Variants in TCN2 observed in about 807,000 individuals in gnomAD.
The protein encoded by TCN2 is transcobalamin-2.
A neutral mutation model predicts 48.6 loss-of-function variants in TCN2; 34 were observed. That is an observed-to-expected ratio of 0.70 (90% CI 0.53 to 0.93). TCN2 has a LOEUF of 0.93. TCN2 is among the 40% of genes least tolerant of loss of function. The pLI is 0.00. For missense variants in TCN2, 652 were observed against 526.1 expected (o/e 1.24, Z -2.34); for synonymous variants, 283 against 212.5 (o/e 1.33, Z -2.89).
chr22:30,610,418 G>T, intron 1 of TCN2: 1 of 400,652 alleles, frequency 2.5e-6, no homozygotes. Context: ...CGGGGGCTTT[G>T]CAGTTAGGTC....
At chr22:30,611,117 AACTTGGGTACT>A in intron 2 of TCN2, 54 bp downstream of exon 2, 1 of 1,612,068 alleles carries the variant, frequency 6.2e-7, no homozygotes, top group Non-Finnish European at 8.5e-7. Context: ...AGAGATGGGA[AACTTGGGTACT>A]AGTTTGGGCC....
chr22:30,616,025 T>TTGGATGGA (rs34383530), intron 6 of TCN2, among the ~76,000 whole-genome samples: 165 of 149,482 alleles, frequency 1.1e-3, no homozygotes, highest in Non-Finnish European at 1.7e-3. Flanking sequence ...ACAGAAATGT[T>TTGGATGGA]TGGATGGATG....
intron 8 of TCN2, among the ~76,000 whole-genome samples, chr22:30,625,428 C>T (rs981788341): frequency 2.6e-5 from 4 of 151,856 alleles, no homozygotes; most frequent in Middle Eastern, 3.4e-3. Flanking sequence ...TTTCCTGGCC[C>T]TTGCCTGCTG....
At chr22:30,619,151 A>T in intron 7 of TCN2, among the ~76,000 whole-genome samples, 1 of 152,200 alleles carries the variant, frequency 6.6e-6, no homozygotes, top group Non-Finnish European at 1.5e-5. Context: ...ATCACAGCTC[A>T]CTGTAGCCTC....
chr22:30,612,068 C>G (rs1450780731), intron 2 of TCN2, among the ~76,000 whole-genome samples: 2 of 151,708 alleles, frequency 1.3e-5, no homozygotes, highest in Non-Finnish European at 2.9e-5. Context: ...GAGACCACAT[C>G]TCTTAAAAAA....
intron 4 of TCN2, among the ~76,000 whole-genome samples, chr22:30,614,863 C>G (rs1036441191): frequency 2.9e-4 from 44 of 152,254 alleles, no homozygotes; most frequent in African/African-American, 1.0e-3. Flanking sequence ...GAGTGGAGAT[C>G]GCACCACTGC....
rs778810764 is a variant in TCN2 at position 30,614,342 on chromosome 22, C to T, written c.428-7C>T. Reference sequence around the variant, plus strand: ...AGAGGCAACCCCTCTGTTTTTTTCCCTCTCAGGGCATGATCACAAGGGCCA... The same window carrying T: ...AGAGGCAACCCCTCTGTTTTTTTCCTTCTCAGGGCATGATCACAAGGGCCA... On this transcript the variant is annotated splice_region_variant and splice_polypyrimidine_tract_variant and intron_variant, in intron 3 of 8. Coordinates refer to ENST00000215838, the MANE Select transcript of TCN2 (RefSeq NM_000355.4). 3.7e-5 allele frequency: 59 copies of T among 1,613,894 alleles called. No homozygotes were observed. The highest frequency in any genetic ancestry group is 3.3e-4 in the Middle Eastern group (2 of 6,084).
intron 6 of TCN2, among the ~76,000 whole-genome samples, chr22:30,615,997 G>A (rs376969767): frequency 2.0e-5 from 3 of 151,814 alleles, no homozygotes; most frequent in Non-Finnish European, 2.9e-5. Context: ...TGGGCATATC[G>A]CTTGTGTGAT....
At chr22:30,619,671 G>C (rs1001594398) in intron 7 of TCN2, among the ~76,000 whole-genome samples, 1 of 152,306 alleles carries the variant, frequency 6.6e-6, no homozygotes, top group African/African-American at 2.4e-5. Context: ...TCCCCAGTGG[G>C]AGTTCCTGGA....
intron 8 of TCN2, among the ~76,000 whole-genome samples, chr22:30,623,871 TACACACATATATAC>T (rs2087749725): frequency 1.7e-5 from 1 of 59,364 alleles, no homozygotes; most frequent in Admixed American, 1.9e-4. Flanking sequence ...CACACATATA[TACACACATATATAC>T]ACACATATAT....
chr22:30,609,328 A>G (rs1379186510), intron 1 of TCN2, among the ~76,000 whole-genome samples: 1 of 152,078 alleles, frequency 6.6e-6, no homozygotes, highest in Admixed American at 6.6e-5. Flanking sequence ...GTCAACAGCA[A>G]TCAGCCCTTA....
chr22:30,622,014 T>G (rs1488923142), intron 7 of TCN2, among the ~76,000 whole-genome samples: 2 of 149,360 alleles, frequency 1.3e-5, no homozygotes, highest in Non-Finnish European at 3.0e-5. Context: ...TGAGATGGAG[T>G]TTTGCTCATG....
chr22:30,616,310 T>TC (rs1399515051), intron 6 of TCN2, among the ~76,000 whole-genome samples: 1 of 150,274 alleles, frequency 6.7e-6, no homozygotes, highest in Non-Finnish European at 1.5e-5. Flanking sequence ...ATGGCGAAAC[T>TC]CCATCTATTA....
chr22:30,622,159 G>T (rs1437388113), intron 7 of TCN2, among the ~76,000 whole-genome samples: 1 of 152,120 alleles, frequency 6.6e-6, no homozygotes, highest in Non-Finnish European at 1.5e-5. Flanking sequence ...GGCTAATTTT[G>T]TGTTTTTAGT....
chr22:30,609,803 A>G (rs2087508444), intron 1 of TCN2, among the ~76,000 whole-genome samples: 1 of 152,200 alleles, frequency 6.6e-6, no homozygotes, highest in Admixed American at 6.5e-5. Context: ...GCAAAGGATT[A>G]TGTAGGGTTT....
At chr22:30,609,591 G>C (rs924172227) in intron 1 of TCN2, among the ~76,000 whole-genome samples, 4 of 23,384 alleles carry the variant, frequency 1.7e-4, no homozygotes, top group African/African-American at 1.0e-3. Flanking sequence ...AGGTGAGGAG[G>C]GGGGCAGATG....
chr22:30,610,393 C>A, intron 1 of TCN2: 1 of 432,080 alleles, frequency 2.3e-6, no homozygotes, highest in Non-Finnish European at 4.8e-6. Context: ...ACACATTCAG[C>A]AGGGCACCAA....
Position 30,626,943 on chromosome 22 carries a change from T to C in TCN2, c.*422T>C. On this transcript the variant is annotated 3_prime_UTR_variant, in exon 9 of 9. Transcript: ENST00000215838. Reference sequence around the variant, plus strand: ...TATGGCCCTGACCCCAGCTCTCCACTCTGCTGTTAGAGTGGCAGCTCCGAG... The same window carrying C: ...TATGGCCCTGACCCCAGCTCTCCACCCTGCTGTTAGAGTGGCAGCTCCGAG... 3.4e-6 allele frequency: 1 copy of C among 290,006 alleles called. No homozygotes were observed. The highest frequency in any genetic ancestry group is 6.8e-6 in the Non-Finnish European group (1 of 147,208). 18.0% of individuals were successfully genotyped at this position (290,006 alleles called of 1,614,324 possible). A position where few individuals can be genotyped will look rare whatever the true frequency, so the allele number is the denominator to read the frequency against.
In TCN2 at chr22:30,623,896, ATG is replaced by A. The variant is rs1491394862; in HGVS notation, c.1222+815_1222+816del. ...TACACACATATATACACACATATAT[ATG>A]TATACATATATATACACACATATAT... On this transcript the variant is annotated intron_variant, in intron 8 of 8. Transcript: ENST00000215838. Among the ~76,000 whole-genome samples the A allele has an allele frequency of 8.1e-5, 4 of 49,340 alleles. 1 individual carries two copies. Among genetic ancestry groups the A allele is most frequent in the African/African-American group, 6.0e-4 (3 of 5,034 alleles). The allele number at this position is 49,340 out of a possible 152,430, so 32.4% of individuals were successfully genotyped here.
Sources: allele counts gnomAD v4.1 joint callset (sites outside exome capture counted in the v4.1 genomes callset), GRCh38; gene constraint gnomAD v4.1.1; transcripts MANE v1.5; gene names NCBI Gene and HGNC (gene_info 2026-07-23, HGNC 2026-07-21).